MAGOH: variants seen among roughly 807,000 people sequenced by gnomAD.
MAGOH encodes the protein protein mago nashi homolog.
In MAGOH, 3 loss-of-function variants were observed where a neutral mutation model predicts 20.9. The observed-to-expected ratio is 0.14, with a 90% CI of 0.07 to 0.37. The LOEUF (loss-of-function observed/expected upper bound fraction) is 0.37. MAGOH is among the 10% of genes least tolerant of loss of function. The pLI, the probability that MAGOH is intolerant of heterozygous loss-of-function variation, is 1.00. For missense variants in MAGOH, 66 were observed against 178.1 expected (o/e 0.37, Z 3.58); for synonymous variants, 51 against 61.0 (o/e 0.84, Z 0.76).
At chr1:53,228,661 G>A (rs993789183) in intron 4 of MAGOH, among the ~76,000 whole-genome samples, 1 of 152,100 alleles carries the variant, frequency 6.6e-6, no homozygotes, top group African/African-American at 2.4e-5. Context: ...CAAGAAGCTC[G>A]CAGTAGCAAT....
intron 3 of MAGOH, among the ~76,000 whole-genome samples, chr1:53,230,318 A>T (rs917664200): frequency 6.6e-6 from 1 of 152,210 alleles, no homozygotes; most frequent in Non-Finnish European, 1.5e-5. Context: ...TTTTTTTAAA[A>T]AAGAAGTAAA....
intron 2 of MAGOH, among the ~76,000 whole-genome samples, chr1:53,234,152 G>C (rs971149054): frequency 6.6e-6 from 1 of 152,122 alleles, no homozygotes; most frequent in African/African-American, 2.4e-5. Flanking sequence ...CACCATATGA[G>C]GACACAGCAT....
At chr1:53,236,933 T>G (rs2100309904) in intron 1 of MAGOH, among the ~76,000 whole-genome samples, 1 of 151,294 alleles carries the variant, frequency 6.6e-6, no homozygotes, top group African/African-American at 2.4e-5. Flanking sequence ...ACTATCTCTG[T>G]AGTCCCAACC....
At chr1:53,234,862 T>C (rs1476174317) in intron 2 of MAGOH, among the ~76,000 whole-genome samples, 1 of 152,132 alleles carries the variant, frequency 6.6e-6, no homozygotes, top group Non-Finnish European at 1.5e-5. Context: ...AAAGAGTAGC[T>C]TTGATGAAGC....
At chr1:53,236,450 C>T (rs1572398151) in intron 1 of MAGOH, among the ~76,000 whole-genome samples, 1 of 152,204 alleles carries the variant, frequency 6.6e-6, no homozygotes, top group East Asian at 1.9e-4. Context: ...CTTTTCCAGC[C>T]TCATTCCTGC....
chr1:53,228,958 G>C lies in MAGOH; in HGVS notation c.259-4C>G, dbSNP rs908613593. 6.2e-7 allele frequency: 1 copy of C among 1,603,298 alleles called. No individual in the cohort carries two copies. Among genetic ancestry groups the C allele is most frequent in the Non-Finnish European group, 8.5e-7 (1 of 1,170,546 alleles). ...CTCCAATGACGATTTCAAGCTCCTA[G>C]AAACATTTTAGAAAATCGAAGTCAA... On this transcript the variant is annotated splice_region_variant and splice_polypyrimidine_tract_variant and intron_variant, in intron 3 of 4. Transcript: ENST00000371470.
chr1:53,230,977 AAT>A (rs1318129395), intron 3 of MAGOH, among the ~76,000 whole-genome samples: 2 of 152,328 alleles, frequency 1.3e-5, no homozygotes, highest in East Asian at 3.9e-4. Flanking sequence ...TGTACATGTG[AAT>A]ATGTCTCCAT....
rs373065393 is a variant in MAGOH, at chr1:53,233,111, T to A, written c.258+431A>T. ...GCGAGACTCCAACTCAAAAAAAAAA[T>A]AATAAATAAATCACACTGGCTTTCA... On this transcript the variant is annotated intron_variant, in intron 3 of 4. Transcript: ENST00000371470. 739 of 153,624 alleles carry A rather than the reference T, an allele frequency of 4.8e-3. 4 individuals carry two copies. The highest frequency in any genetic ancestry group is 0.017 in the Middle Eastern group (5 of 298). 9.5% of individuals were successfully genotyped at this position (153,624 alleles called of 1,614,324 possible).
chr1:53,237,558 C>T (rs1390162765), intron 1 of MAGOH, among the ~76,000 whole-genome samples: 1 of 150,336 alleles, frequency 6.7e-6, no homozygotes, highest in Non-Finnish European at 1.5e-5. Flanking sequence ...CCTATAATTC[C>T]AGCTACTCGG....
Position 53,227,132 on chromosome 1 carries a change from G to A in MAGOH, c.354C>T (p.Gly118=). Reference sequence around the variant, plus strand: ...GGACAAGATAATAAAATACTCGTAAGCCTTCTGGATCCCTAAAATACAAAA... The same window carrying A: ...GGACAAGATAATAAAATACTCGTAAACCTTCTGGATCCCTAAAATACAAAA... The part of the protein sequence containing the change: ...IDVNQSKDPE[G]LRVFYYLVQD... The change falls in exon 5 of 5, where the codon GGC becomes GGT. Residue 118 remains glycine, a synonymous_variant. Transcript: ENST00000371470. 3.8e-6 allele frequency: 6 copies of A among 1,584,196 alleles called. No individual in the cohort carries two copies. The highest frequency in any genetic ancestry group is 5.1e-6 in the Non-Finnish European group (6 of 1,168,060).
intron 3 of MAGOH, 34 bp downstream of exon 3, chr1:53,233,508 A>G: frequency 1.3e-6 from 2 of 1,489,556 alleles, no homozygotes; most frequent in Non-Finnish European, 1.9e-6. Flanking sequence ...TATTTGTAAG[A>G]TTTCTGCACT....
At chr1:53,231,994 AT>A (rs1353180036) in intron 3 of MAGOH, among the ~76,000 whole-genome samples, 1 of 152,178 alleles carries the variant, frequency 6.6e-6, no homozygotes, top group Non-Finnish European at 1.5e-5. Context: ...TCTTCTTGCA[AT>A]TATTAATGGA....
intron 3 of MAGOH, among the ~76,000 whole-genome samples, chr1:53,229,397 TC>T (rs1405979836): frequency 2.6e-5 from 4 of 152,112 alleles, no homozygotes; most frequent in Non-Finnish European, 5.9e-5. Context: ...AGACGGGGTT[TC>T]ACCGTGTTAG....
At chr1:53,228,318 G>A (rs900108844) in intron 4 of MAGOH, among the ~76,000 whole-genome samples, 2 of 152,120 alleles carry the variant, frequency 1.3e-5, no homozygotes, top group Admixed American at 1.3e-4. Context: ...TGTAGTCCCA[G>A]CTACTCAGGA....
At chr1:53,236,142 C>A (rs1191337691) in intron 1 of MAGOH, among the ~76,000 whole-genome samples, 2 of 152,192 alleles carry the variant, frequency 1.3e-5, no homozygotes, top group African/African-American at 4.8e-5. Flanking sequence ...ATGTGTGCAT[C>A]TGACAGATTA....
At chr1:53,231,691 T>C (rs1645587636) in intron 3 of MAGOH, among the ~76,000 whole-genome samples, 1 of 152,186 alleles carries the variant, frequency 6.6e-6, no homozygotes, top group Admixed American at 6.5e-5. Context: ...CGAGGCAATA[T>C]CATACTACAA....
intron 3 of MAGOH, among the ~76,000 whole-genome samples, chr1:53,231,576 T>C (rs991505690): frequency 6.6e-6 from 1 of 152,218 alleles, no homozygotes; most frequent in African/African-American, 2.4e-5. Context: ...CTTTTCCCAT[T>C]AATGTGAAAG....
chr1:53,227,209 GA>G, intron 4 of MAGOH, 65 bp from the exon 5 acceptor site: 2 of 804,256 alleles, frequency 2.5e-6, no homozygotes, highest in Non-Finnish European at 3.9e-6. Flanking sequence ...CCCTAAAAAG[GA>G]AAAGACTATA....
At chr1:53,231,238 T>G (rs895966308) in intron 3 of MAGOH, among the ~76,000 whole-genome samples, 3 of 152,238 alleles carry the variant, frequency 2.0e-5, no homozygotes, top group Admixed American at 6.5e-5. Flanking sequence ...CTTTGCACAT[T>G]CTGCCACGGG....
Sources: allele counts gnomAD v4.1 joint callset (sites outside exome capture counted in the v4.1 genomes callset), GRCh38; gene constraint gnomAD v4.1.1; transcripts MANE v1.5; gene names NCBI Gene and HGNC (gene_info 2026-07-23, HGNC 2026-07-21).